Variants in ADH7 observed in about 807,000 individuals in gnomAD.
ADH7 encodes alcohol dehydrogenase 7 (class IV), mu or sigma polypeptide.
In ADH7, 41 loss-of-function variants were observed where a neutral mutation model predicts 34.4. That is an observed-to-expected ratio of 1.19 (90% CI 0.93 to 1.55). The LOEUF (loss-of-function observed/expected upper bound fraction) is 1.55. Among genes scored for constraint, ADH7 ranks in the 40% most tolerant of loss-of-function variants. ADH7 has a pLI of 0.00. For synonymous variants in ADH7, 180 were observed against 160.9 expected (o/e 1.12, Z -0.90); for missense variants, 540 against 461.2 (o/e 1.17, Z -1.56).
chr4:99,424,282 C>G (rs1341264321), intron 5 of ADH7, among the ~76,000 whole-genome samples: 1 of 152,172 alleles, frequency 6.6e-6, no homozygotes, highest in South Asian at 2.1e-4. Flanking sequence ...GTTACTGTAG[C>G]CTTGTAGTAT....
chr4:99,435,087 G>T, intron 1 of ADH7, 129 bp downstream of exon 1: 2 of 1,549,044 alleles, frequency 1.3e-6, no homozygotes, highest in Non-Finnish European at 1.7e-6. Context: ...CTGTATGCCT[G>T]CTCACCAAGC....
chr4:99,415,435 T>C, intron 8 of ADH7, 43 bp downstream of exon 8: 1 of 1,583,732 alleles, frequency 6.3e-7, no homozygotes, highest in South Asian at 1.2e-5. Context: ...ATTTTAAAAG[T>C]AGCCTGTGGA....
chr4:99,433,838 GT>G (rs1481509872), intron 1 of ADH7, among the ~76,000 whole-genome samples: 4 of 152,186 alleles, frequency 2.6e-5, no homozygotes, highest in African/African-American at 7.2e-5. Flanking sequence ...CACCCAGTCT[GT>G]GATATTTTGT....
Position 99,419,079 on chromosome 4 carries a change from C to T in ADH7, c.868G>A (p.Val290Met), listed in dbSNP as rs370741519. 82 of 1,613,688 alleles carry T rather than the reference C, an allele frequency of 5.1e-5. 1 individual carries two copies. The highest frequency in any genetic ancestry group is 2.7e-4 in the South Asian group (25 of 91,084). ...ASCHMNYGTSVVVGVPPSAKM... is the reference protein window; with the variant it reads ...ASCHMNYGTSMVVGVPPSAKM... ...GCTGATGGAGGAACTCCTACAACCA[C>T]GCTGGTCCCATAGTTCATGTGGCAG... Residue 290 changes from valine to methionine, a missense_variant, in exon 7 of 9, where the codon GTG becomes ATG. By Grantham distance (21) the Val-to-Met change is conservative. Coordinates refer to ENST00000437033, the MANE Select transcript of ADH7 (RefSeq NM_000673.7).
At chr4:99,420,841 G>C in intron 5 of ADH7, 48 bp from the exon 6 acceptor site, 1 of 1,583,300 alleles carries the variant, frequency 6.3e-7, no homozygotes, top group East Asian at 2.3e-5. Flanking sequence ...GGGTCAAAAA[G>C]TGAAACCTGA....
At chr4:99,415,360 A>C in intron 8 of ADH7, 118 bp downstream of exon 8, 3 of 1,096,030 alleles carry the variant, frequency 2.7e-6, no homozygotes, top group Non-Finnish European at 4.1e-6. Context: ...TAGCTGTATC[A>C]ATCTGGCTAG....
chr4:99,419,110 C>G lies in ADH7; in HGVS notation c.837G>C (p.Leu279=). 1 of 1,613,560 alleles carries G rather than the reference C, an allele frequency of 6.2e-7. No individual in the cohort carries two copies. The highest frequency in any genetic ancestry group is 8.5e-7 in the Non-Finnish European group (1 of 1,179,724). The change falls in exon 7 of 9, where the codon CTG becomes CTC. Residue 279 remains leucine, a synonymous_variant. Coordinates refer to ENST00000437033, the MANE Select transcript of ADH7 (RefSeq NM_000673.7). ...IGHLETMIDA[L]ASCHMNYGTS... The stretch of plus-strand genomic sequence containing the variant: ...TCCCATAGTTCATGTGGCAGGATGC[C>G]AGGGCATCAATCTGAGTTTAAAACG...
chr4:99,424,817 G>C lies in ADH7; in HGVS notation c.564+2956C>G, dbSNP rs544819678. ...TTCTAGATATACAATCATGTCATCT[G>C]CAAACAGGGACAATTTGACTTCCTC... On this transcript the variant is annotated intron_variant, in intron 5 of 8. Transcript: ENST00000437033. 9.2e-5 allele frequency among the ~76,000 whole-genome samples: 14 copies of C among 152,064 alleles called. No homozygotes were observed. The South Asian group carries it at 1.5e-3, about 16-fold the overall frequency.
chr4:99,420,703 T>C lies in ADH7; in HGVS notation c.655A>G (p.Ile219Val). The change falls in exon 6 of 9, where the codon ATC becomes GTC. Residue 219 changes from isoleucine to valine, a missense_variant. Coordinates refer to ENST00000437033, the MANE Select transcript of ADH7 (RefSeq NM_000673.7). ...TCTTTGTTGAGGTCAATCCCAATGA[T>C]CCTAGATGCACCAGCTGACTTACAG... ...MGCKSAGASR[I>V]IGIDLNKDKF... The C allele has an allele frequency of 6.2e-7, 1 of 1,613,944 alleles. No homozygotes were observed. The highest frequency in any genetic ancestry group is 8.5e-7 in the Non-Finnish European group (1 of 1,179,928).
rs1011370649 is a variant in ADH7, at chr4:99,418,882, A to T, written c.961+104T>A. 22 of 1,366,202 alleles carry T rather than the reference A, an allele frequency of 1.6e-5. No individual in the cohort carries two copies. The Admixed American group carries it at 4.5e-4, about 28-fold the overall frequency. 84.6% of individuals were successfully genotyped at this position (1,366,202 alleles called of 1,614,324 possible). A position where few individuals can be genotyped will look rare whatever the true frequency, so the allele number is the denominator to read the frequency against. ...TCACAGTTCCATTTTAGATCACTTC[A>T]TACTCATTCTTGGAAGAAAGGCCTG... On this transcript the variant is annotated intron_variant, in intron 7 of 8. Coordinates refer to ENST00000437033, the MANE Select transcript of ADH7 (RefSeq NM_000673.7).
Position 99,429,521 on chromosome 4 carries a change from C to T in ADH7, c.120+11G>A. ...CGCTTTTGGCTTAAGTTCTCTAGGG[C>T]TCACGCTTACCTTAATGCGAACTTC... On this transcript the variant is annotated intron_variant, in intron 2 of 8. Coordinates refer to ENST00000437033, the MANE Select transcript of ADH7 (RefSeq NM_000673.7). 1 of 1,599,456 alleles carries T rather than the reference C, an allele frequency of 6.3e-7. No homozygotes were observed. Among genetic ancestry groups the T allele is most frequent in the Non-Finnish European group, 8.6e-7 (1 of 1,169,270 alleles).
chr4:99,416,660 C>A (rs963526071), intron 7 of ADH7, among the ~76,000 whole-genome samples: 7 of 152,102 alleles, frequency 4.6e-5, no homozygotes, highest in African/African-American at 1.7e-4. Flanking sequence ...ACATTTACTT[C>A]TAGGGTGACC....
In ADH7 at chr4:99,420,808, G is replaced by A; in HGVS notation, c.565-15C>T. On this transcript the variant is annotated splice_polypyrimidine_tract_variant and intron_variant, in intron 5 of 8. Transcript: ENST00000437033. ...CCAGGTTTGACCTGTGGAGAGGAAT[G>A]TTCTTGAACATGTTAGGTGTTAGGG... 1.2e-6 allele frequency: 2 copies of A among 1,612,596 alleles called. No individual in the cohort carries two copies. Among genetic ancestry groups the A allele is most frequent in the Non-Finnish European group, 8.5e-7 (1 of 1,179,070 alleles).
At chr4:99,415,017 T>G (rs1721484714) in intron 8 of ADH7, among the ~76,000 whole-genome samples, 2 of 152,294 alleles carry the variant, frequency 1.3e-5, no homozygotes, top group South Asian at 2.1e-4. Flanking sequence ...AATCCCTACA[T>G]GTCAAGGGAG....
chr4:99,423,009 T>G (rs1191125809), intron 5 of ADH7, among the ~76,000 whole-genome samples: 2 of 130,476 alleles, frequency 1.5e-5, no homozygotes, highest in South Asian at 2.8e-4. Context: ...GTATATCTCC[T>G]AATGCTATCC....
In ADH7 at chr4:99,420,610, T is replaced by C; in HGVS notation, c.748A>G (p.Ile250Val). 1 of 1,613,948 alleles carries C rather than the reference T, an allele frequency of 6.2e-7. No homozygotes were observed. Among genetic ancestry groups the C allele is most frequent in the Non-Finnish European group, 8.5e-7 (1 of 1,179,928 alleles). Reference sequence around the variant, plus strand: ...GTCATTTCTGACAGCACCTCACTGATGGGTTTGGTAGAGTCCTTGGGACTG... The same window carrying C: ...GTCATTTCTGACAGCACCTCACTGACGGGTTTGGTAGAGTCCTTGGGACTG... ...CISPKDSTKP[I>V]SEVLSEMTGN... The change falls in exon 6 of 9, where the codon ATC becomes GTC. Residue 250 changes from isoleucine (I) to valine (V), a missense_variant. Ile to Val is a conservative substitution (Grantham distance 29). Coordinates refer to ENST00000437033, the MANE Select transcript of ADH7 (RefSeq NM_000673.7).
At chr4:99,434,823 G>A (rs1722010325) in intron 1 of ADH7, among the ~76,000 whole-genome samples, 1 of 152,128 alleles carries the variant, frequency 6.6e-6, no homozygotes, top group African/African-American at 2.4e-5. Context: ...ATCTGGGCAT[G>A]AGACCCTGGT....
intron 5 of ADH7, among the ~76,000 whole-genome samples, chr4:99,423,522 C>G (rs1450116435): frequency 6.6e-6 from 1 of 151,496 alleles, no homozygotes; most frequent in African/African-American, 2.4e-5. Flanking sequence ...TATTTCTCCA[C>G]ATCCTCTCCA....
intron 5 of ADH7, among the ~76,000 whole-genome samples, chr4:99,424,571 G>T (rs1440870111): frequency 6.6e-6 from 1 of 152,094 alleles, no homozygotes; most frequent in Non-Finnish European, 1.5e-5. Context: ...GTGGTTTGTA[G>T]TTCTCCTTGA....
Sources: gnomAD v4.1 joint callset for allele counts (sites outside exome capture counted in the v4.1 genomes callset) on GRCh38, gnomAD v4.1.1 for gene constraint, MANE v1.5 for transcripts, NCBI Gene and HGNC (gene_info 2026-07-23, HGNC 2026-07-21) for gene names.